The following ANKRD30A variants were observed in gnomAD, a reference collection of about 807,000 sequenced individuals.
The protein encoded by ANKRD30A is ankyrin repeat domain-containing protein 30A.
ANKRD30A carries 170 observed loss-of-function variants against 166.3 expected under a neutral mutation model. That is an observed-to-expected ratio of 1.02 (90% confidence interval 0.90 to 1.16). The LOEUF is 1.16. Among genes scored for constraint, ANKRD30A ranks in the 50% most tolerant of loss-of-function variants. The probability of loss-of-function intolerance (pLI) is 0.00; values close to 1 mark genes in which losing one functional copy is unlikely to be tolerated. For synonymous variants in ANKRD30A, 564 were observed against 508.9 expected (o/e 1.11, Z -1.46); for missense variants, 1,630 against 1,518.0 (o/e 1.07, Z -1.23).
At chr10:37,201,796 G>T (rs1841643140) in intron 31 of ANKRD30A, among the ~76,000 whole-genome samples, 1 of 152,048 alleles carries the variant, frequency 6.6e-6, no homozygotes, top group Non-Finnish European at 1.5e-5. Context: ...GACTCTTAAT[G>T]TCTTTCTCAC....
At chr10:37,162,626 G>A (rs200801949) in intron 15 of ANKRD30A, 23 bp from the exon 16 acceptor site, 173 of 1,611,630 alleles carry the variant, frequency 1.1e-4, no homozygotes, top group Middle Eastern at 8.8e-4. Context: ...TATGATTGAT[G>A]ATAAATCTCT....
chr10:37,126,910 GA>G lies in ANKRD30A; in HGVS notation c.221+903del, dbSNP rs1836056818. ...AAAAATACAAAAATTAGCCGGGCATGATGTCGGGTGCCTGTAATCCCAGCTA... is the reference window on the plus strand; with the variant it reads ...AAAAATACAAAAATTAGCCGGGCATGTGTCGGGTGCCTGTAATCCCAGCTA... On this transcript the variant is annotated intron_variant, in intron 1 of 35. Transcript: ENST00000361713. 4.6e-5 allele frequency among the ~76,000 whole-genome samples: 7 copies of G among 151,958 alleles called. No individual in the cohort carries two copies. The South Asian group carries it at 1.5e-3, about 32-fold the overall frequency.
intron 25 of ANKRD30A, among the ~76,000 whole-genome samples, chr10:37,191,838 A>G (rs1840604136): frequency 6.6e-6 from 1 of 151,942 alleles, no homozygotes; most frequent in Admixed American, 6.6e-5. Context: ...TACTAGTAAT[A>G]CAAAAAATCA....
chr10:37,138,415 G>C (rs571023692), intron 6 of ANKRD30A, among the ~76,000 whole-genome samples: 1 of 152,166 alleles, frequency 6.6e-6, no homozygotes, highest in East Asian at 1.9e-4. Context: ...GGCTTCAGAC[G>C]ATCAAACTAC....
the ANKRD30A span, among the ~76,000 whole-genome samples, chr10:37,255,045 G>C: frequency 6.6e-6 from 1 of 151,848 alleles, no homozygotes; most frequent in South Asian, 2.1e-4. Context: ...GATGAAGCCC[G>C]GTTCATTTTC....
chr10:37,195,678 A>G (rs1388753507), intron 27 of ANKRD30A, among the ~76,000 whole-genome samples: 1 of 152,206 alleles, frequency 6.6e-6, no homozygotes, highest in Non-Finnish European at 1.5e-5. Flanking sequence ...ACAGATCACT[A>G]GGTGAGGAGA....
chr10:37,133,118 T>C (rs1194279615), intron 4 of ANKRD30A, among the ~76,000 whole-genome samples: 2 of 152,248 alleles, frequency 1.3e-5, no homozygotes, highest in Non-Finnish European at 2.9e-5. Context: ...CCTACGTGAC[T>C]ATTAATTGCT....
chr10:37,216,001 G>A (rs1319836867), intron 31 of ANKRD30A, among the ~76,000 whole-genome samples, 180 bp from the exon 32 acceptor site: 2 of 150,626 alleles, frequency 1.3e-5, no homozygotes, highest in African/African-American at 4.9e-5. Context: ...TATATTTTAA[G>A]CTAAACAAGA....
At chr10:37,202,830 C>G (rs1366901574) in intron 31 of ANKRD30A, among the ~76,000 whole-genome samples, 1 of 152,118 alleles carries the variant, frequency 6.6e-6, no homozygotes, top group African/African-American at 2.4e-5. Context: ...CACAGAAATA[C>G]AAACTACCAT....
At chr10:37,128,409 T>C (rs1836176818) in intron 1 of ANKRD30A, among the ~76,000 whole-genome samples, 1 of 152,012 alleles carries the variant, frequency 6.6e-6, no homozygotes, top group Non-Finnish European at 1.5e-5. Flanking sequence ...TTCTGTGAAC[T>C]TTTAGCATCT....
intron 17 of ANKRD30A, 54 bp downstream of exon 17, chr10:37,162,902 TG>T (rs1230441331): frequency 1.3e-6 from 2 of 1,585,726 alleles, no homozygotes; most frequent in Admixed American, 1.7e-5. Context: ...TTGGACATTT[TG>T]ATGGTCTTTC....
chr10:37,153,219 G>A (rs1005672257), intron 12 of ANKRD30A, among the ~76,000 whole-genome samples: 8 of 152,166 alleles, frequency 5.3e-5, no homozygotes, highest in Non-Finnish European at 8.8e-5. Flanking sequence ...GTTGTATTTT[G>A]TTTGAAATGT....
At chr10:37,253,061 ACTT>A in the ANKRD30A span, among the ~76,000 whole-genome samples, 2 of 152,198 alleles carry the variant, frequency 1.3e-5, no homozygotes, top group Non-Finnish European at 2.9e-5. Context: ...GTCTCCCACA[ACTT>A]CTAAATTTTT....
chr10:37,148,470 AT>A (rs1486497687), intron 9 of ANKRD30A, among the ~76,000 whole-genome samples: 1 of 152,018 alleles, frequency 6.6e-6, no homozygotes, highest in Non-Finnish European at 1.5e-5. Flanking sequence ...GTTTTTTTAA[AT>A]TTTTTTAAAA....
chr10:37,145,171 T>A (rs1837411208), intron 8 of ANKRD30A, 115 bp downstream of exon 8: 1 of 757,864 alleles, frequency 1.3e-6, no homozygotes. Context: ...CAGAAGAAAT[T>A]CTGATATTTC....
the ANKRD30A span, among the ~76,000 whole-genome samples, chr10:37,248,562 T>G: frequency 6.6e-6 from 1 of 152,316 alleles, no homozygotes; most frequent in African/African-American, 2.4e-5. Context: ...GAAGACTTTT[T>G]TAGGCAATCA....
At chr10:37,154,603 A>T (rs1838223493) in intron 13 of ANKRD30A, among the ~76,000 whole-genome samples, 1 of 152,166 alleles carries the variant, frequency 6.6e-6, no homozygotes, top group Non-Finnish European at 1.5e-5. Flanking sequence ...AAACAAAAGG[A>T]AAGAGTGGGA....
At chr10:37,232,697 T>TATATATATATATATATATATATATAG (rs1273812991), downstream of ANKRD30A, 1 of 78,400 alleles carries the variant, frequency 1.3e-5, no homozygotes, top group African/African-American at 4.9e-5. Context: ...TATATATAAA[T>TATATATATATATATATATATATATAG]AGAGAGAGAG....
At chr10:37,223,666 A>G (rs1842995163) in intron 34 of ANKRD30A, among the ~76,000 whole-genome samples, 1 of 151,432 alleles carries the variant, frequency 6.6e-6, no homozygotes, top group Non-Finnish European at 1.5e-5. Context: ...TTTTTAAAAA[A>G]TTATGTTTCA....
Sources: gnomAD v4.1 joint callset for allele counts (sites outside exome capture counted in the v4.1 genomes callset) on GRCh38, gnomAD v4.1.1 for gene constraint, MANE v1.5 for transcripts, NCBI Gene and HGNC (gene_info 2026-07-23, HGNC 2026-07-21) for gene names.